Variants in LYPLAL1 observed in about 807,000 individuals in gnomAD.
LYPLAL1 encodes the protein lysophospholipase like 1.
A neutral mutation model predicts 19.7 loss-of-function variants in LYPLAL1; 23 were observed. That is an observed-to-expected ratio of 1.17 (90% CI 0.84 to 1.65). The LOEUF is 1.65. Among genes scored for constraint, LYPLAL1 ranks in the 40% most tolerant of loss-of-function variants. LYPLAL1 has a pLI of 0.00. For synonymous variants in LYPLAL1, 119 were observed against 96.3 expected (o/e 1.24, Z -1.38); for missense variants, 355 against 279.4 (o/e 1.27, Z -1.93).
the LYPLAL1 span, among the ~76,000 whole-genome samples, chr1:219,337,989 T>C: frequency 2.6e-5 from 4 of 152,104 alleles, no homozygotes; most frequent in Non-Finnish European, 4.4e-5. Flanking sequence ...GCATTTGTAG[T>C]TATTTGGCCT....
At chr1:219,286,619 T>G in the LYPLAL1 span, among the ~76,000 whole-genome samples, 1 of 152,212 alleles carries the variant, frequency 6.6e-6, no homozygotes, top group Non-Finnish European at 1.5e-5. Context: ...AGGCACAGGC[T>G]GAGAGTGGGA....
the LYPLAL1 span, among the ~76,000 whole-genome samples, chr1:219,405,514 C>A: frequency 6.6e-6 from 1 of 152,130 alleles, no homozygotes; most frequent in Non-Finnish European, 1.5e-5. Flanking sequence ...TACACACACA[C>A]GTATATATCT....
chr1:219,376,107 TATGTC>T, the LYPLAL1 span, among the ~76,000 whole-genome samples: 1 of 152,146 alleles, frequency 6.6e-6, no homozygotes, highest in African/African-American at 2.4e-5. Context: ...ACTGGTAAAA[TATGTC>T]ATGTTATGTA....
At chr1:219,290,564 T>C in the LYPLAL1 span, among the ~76,000 whole-genome samples, 2 of 152,194 alleles carry the variant, frequency 1.3e-5, no homozygotes, top group Non-Finnish European at 2.9e-5. Flanking sequence ...CATCTCCCTA[T>C]GATATGTTGT....
the LYPLAL1 span, among the ~76,000 whole-genome samples, chr1:219,265,479 G>A: frequency 2.0e-5 from 3 of 152,110 alleles, no homozygotes; most frequent in Non-Finnish European, 2.9e-5. Context: ...TGTCAAATAA[G>A]CTGCAATTCT....
chr1:219,322,087 C>A, the LYPLAL1 span, among the ~76,000 whole-genome samples: 7 of 152,152 alleles, frequency 4.6e-5, no homozygotes, highest in Non-Finnish European at 7.4e-5. Context: ...GTGAAGAAGG[C>A]ATTTCCCTAA....
chr1:219,260,511 C>G, the LYPLAL1 span, among the ~76,000 whole-genome samples: 1 of 151,378 alleles, frequency 6.6e-6, no homozygotes. Context: ...ACAAGAAATA[C>G]TTGATAAAAT....
At chr1:219,340,386 A>G in the LYPLAL1 span, among the ~76,000 whole-genome samples, 1 of 152,046 alleles carries the variant, frequency 6.6e-6, no homozygotes, top group Non-Finnish European at 1.5e-5. Flanking sequence ...TTCTGTTATT[A>G]TACAAGAAAG....
the LYPLAL1 span, among the ~76,000 whole-genome samples, chr1:219,326,602 A>G: frequency 6.6e-6 from 1 of 152,104 alleles, no homozygotes; most frequent in Non-Finnish European, 1.5e-5. Flanking sequence ...CCTTCTACCT[A>G]TTTGATTCAA....
At chr1:219,291,166 G>A in the LYPLAL1 span, among the ~76,000 whole-genome samples, 1 of 152,086 alleles carries the variant, frequency 6.6e-6, no homozygotes, top group African/African-American at 2.4e-5. Flanking sequence ...ATACAATGGT[G>A]TTTGTTGACA....
chr1:219,224,002 T>G, the LYPLAL1 span, among the ~76,000 whole-genome samples: 1 of 152,198 alleles, frequency 6.6e-6, no homozygotes, highest in East Asian at 1.9e-4. Context: ...GTTATTGGCT[T>G]GTCCAATTGA....
chr1:219,377,916 A>C, the LYPLAL1 span, among the ~76,000 whole-genome samples: 1 of 152,234 alleles, frequency 6.6e-6, no homozygotes, highest in Non-Finnish European at 1.5e-5. Context: ...TGGCTTTGCC[A>C]TGTGGTCTCT....
Position 219,196,023 on chromosome 1 carries a change from G to A in LYPLAL1, c.361+2772G>A, listed in dbSNP as rs530815449. ...AAGACATGATCTTGTTCCTTTTTAT[G>A]GCTGCATAGTATTCTATGGTGTACA... On this transcript the variant is annotated intron_variant, in intron 3 of 4. Coordinates refer to ENST00000366928, the MANE Select transcript of LYPLAL1 (RefSeq NM_138794.5). 2.6e-5 allele frequency among the ~76,000 whole-genome samples: 4 copies of A among 152,198 alleles called. No homozygotes were observed. In the South Asian group the frequency reaches 8.3e-4, roughly 32 times the overall value.
the LYPLAL1 span, among the ~76,000 whole-genome samples, chr1:219,351,535 C>T: frequency 6.6e-6 from 1 of 151,974 alleles, no homozygotes; most frequent in East Asian, 1.9e-4. Flanking sequence ...CTGATAATAA[C>T]CAAATACTTC....
At chr1:219,336,465 A>G in the LYPLAL1 span, among the ~76,000 whole-genome samples, 21 of 152,042 alleles carry the variant, frequency 1.4e-4, no homozygotes, top group African/African-American at 5.1e-4. Flanking sequence ...TACCTGGGAT[A>G]TGTTATGCAC....
At chr1:219,436,047 C>A in the LYPLAL1 span, among the ~76,000 whole-genome samples, 1 of 152,170 alleles carries the variant, frequency 6.6e-6, no homozygotes, top group Non-Finnish European at 1.5e-5. Flanking sequence ...AAGCTTCACA[C>A]ATAGACACAG....
At chr1:219,312,163 A>T in the LYPLAL1 span, among the ~76,000 whole-genome samples, 1 of 152,146 alleles carries the variant, frequency 6.6e-6, no homozygotes, top group Non-Finnish European at 1.5e-5. Context: ...GAAGTTGAGG[A>T]GAAGGACATA....
the LYPLAL1 span, among the ~76,000 whole-genome samples, chr1:219,238,198 C>T: frequency 2.1e-4 from 30 of 142,380 alleles, no homozygotes; most frequent in African/African-American, 7.5e-4. Context: ...AGTGCAGTGG[C>T]GCAATCTCGG....
chr1:219,200,075 G>T lies in LYPLAL1; in HGVS notation c.361+6824G>T. The T allele has an allele frequency of 1.7e-5, 4 of 229,522 alleles. No homozygotes were observed. In the South Asian group the frequency reaches 3.1e-4, roughly 18 times the overall value. 14.2% of individuals were successfully genotyped at this position (229,522 alleles called of 1,614,324 possible). A position where few individuals can be genotyped will look rare whatever the true frequency, so the allele number is the denominator to read the frequency against. ...GTTGCTTTGCATCCTTCCATCTGTT[G>T]AACAATGTAACATGGTGCCAACCAT... On this transcript the variant is annotated intron_variant, in intron 3 of 4. Coordinates refer to ENST00000366928, the MANE Select transcript of LYPLAL1 (RefSeq NM_138794.5).
Sources: gnomAD v4.1 joint callset for allele counts (sites outside exome capture counted in the v4.1 genomes callset) on GRCh38, gnomAD v4.1.1 for gene constraint, MANE v1.5 for transcripts, NCBI Gene and HGNC (gene_info 2026-07-23, HGNC 2026-07-21) for gene names.